TEX9: variants seen among roughly 807,000 people sequenced by gnomAD.
TEX9 encodes the protein testis-expressed protein 9.
TEX9 carries 74 observed loss-of-function variants against 59.6 expected under a neutral mutation model. The ratio of observed to expected loss-of-function variants is 1.24; its 90% CI spans 1.03 to 1.51. The LOEUF (loss-of-function observed/expected upper bound fraction) is 1.51, where lower values mean the gene tolerates loss of function less well. Ranked by LOEUF, TEX9 falls within the 40% of genes most tolerant of loss-of-function variation. The pLI is 0.00. For synonymous variants in TEX9, 186 were observed against 152.2 expected, an observed-to-expected ratio of 1.22 and a Z score of -1.64; for missense variants, 522 against 447.8, an observed-to-expected ratio of 1.17 and a Z score of -1.49.
chr15:56,310,162 T>G (rs1207576028), intron 1 of TEX9, among the ~76,000 whole-genome samples: 4 of 152,224 alleles, frequency 2.6e-5, no homozygotes, highest in African/African-American at 9.7e-5. Flanking sequence ...CCAGGCTCAC[T>G]GGCTCACGCC....
At chr15:56,287,179 C>T (rs539564809) in intron 1 of TEX9, among the ~76,000 whole-genome samples, 3 of 152,034 alleles carry the variant, frequency 2.0e-5, no homozygotes, top group African/African-American at 4.8e-5. Flanking sequence ...AATTAAACTT[C>T]AAGGTGGATG....
intron 1 of TEX9, among the ~76,000 whole-genome samples, chr15:56,258,021 C>G (rs1416017252): frequency 6.6e-6 from 1 of 152,122 alleles, no homozygotes; most frequent in African/African-American, 2.4e-5. Context: ...AGCCTGTTCT[C>G]CCAGCACCAC....
At chr15:56,251,246 C>T (rs1160216971) in intron 1 of TEX9, among the ~76,000 whole-genome samples, 1 of 152,046 alleles carries the variant, frequency 6.6e-6, no homozygotes, top group Non-Finnish European at 1.5e-5. Flanking sequence ...TTTGTTTTCT[C>T]CGTTTAAAAT....
chr15:56,400,901 AATAAAATCCTTTAC>A (rs1396852512), intron 9 of TEX9, among the ~76,000 whole-genome samples: 9 of 152,176 alleles, frequency 5.9e-5, no homozygotes, highest in Non-Finnish European at 1.5e-5. Flanking sequence ...GTGAATGAGA[AATAAAATCCTTTAC>A]AGACAAGCAA....
chr15:56,291,676 C>G (rs1306783181), intron 1 of TEX9, among the ~76,000 whole-genome samples: 9 of 152,156 alleles, frequency 5.9e-5, no homozygotes. Context: ...ATTTTGTATC[C>G]TTTAACCAAC....
downstream of TEX9, among the ~76,000 whole-genome samples, chr15:56,446,472 T>G (rs1302448606): frequency 6.6e-6 from 1 of 151,954 alleles, no homozygotes; most frequent in Non-Finnish European, 1.5e-5. Context: ...TACATAAAAT[T>G]ATCAAGTAGT....
chr15:56,315,660 TG>T (rs1422862172), intron 1 of TEX9, among the ~76,000 whole-genome samples: 2 of 144,844 alleles, frequency 1.4e-5, no homozygotes, highest in Non-Finnish European at 3.1e-5. Flanking sequence ...AGTATCTTTG[TG>T]GCGTTCTCTG....
intron 1 of TEX9, among the ~76,000 whole-genome samples, chr15:56,273,432 C>G (rs990060368): frequency 1.3e-5 from 2 of 152,220 alleles, no homozygotes; most frequent in African/African-American, 4.8e-5. Context: ...CAATTCCTCC[C>G]TCCAATCTGT....
At chr15:56,402,249 TA>T (rs2048829163) in intron 9 of TEX9, among the ~76,000 whole-genome samples, 1 of 151,870 alleles carries the variant, frequency 6.6e-6, no homozygotes, top group East Asian at 1.9e-4. Context: ...GCAAGACTAA[TA>T]AAGAAGAAAA....
chr15:56,337,996 T>C (rs540350888), intron 1 of TEX9, among the ~76,000 whole-genome samples: 2 of 152,326 alleles, frequency 1.3e-5, no homozygotes, highest in African/African-American at 4.8e-5. Context: ...TTCCTTCCCA[T>C]TGTGTAACAG....
chr15:56,317,330 A>T (rs1475814654), intron 1 of TEX9, among the ~76,000 whole-genome samples: 2 of 152,262 alleles, frequency 1.3e-5, no homozygotes, highest in African/African-American at 2.4e-5. Flanking sequence ...GCAAACAATT[A>T]TTCATTCCCT....
chr15:56,398,369 T>A (rs1433696194), intron 9 of TEX9: 1 of 152,196 alleles, frequency 6.6e-6, no homozygotes, highest in African/African-American at 2.4e-5. Flanking sequence ...CTACTAGAAA[T>A]TTTGTAATTA....
intron 12 of TEX9, chr15:56,434,277 T>C: frequency 6.2e-7 from 1 of 1,613,978 alleles, no homozygotes; most frequent in Non-Finnish European, 8.5e-7. Context: ...TAGCATAGTT[T>C]TTCTAAAGTT....
chr15:56,412,176 GT>G, intron 9 of TEX9, 125 bp from the exon 10 acceptor site: 1 of 729,894 alleles, frequency 1.4e-6, no homozygotes, highest in Non-Finnish European at 2.1e-6. Context: ...CCCCAAGCGT[GT>G]GTGTGTGTGT....
At chr15:56,266,538 CATT>C (rs2044387817) in intron 1 of TEX9, among the ~76,000 whole-genome samples, 1 of 143,774 alleles carries the variant, frequency 7.0e-6, no homozygotes, top group Admixed American at 7.0e-5. Context: ...CAAGTGTTCT[CATT>C]GTTCAATTCC....
intron 2 of TEX9, among the ~76,000 whole-genome samples, chr15:56,372,800 T>C (rs1329368667): frequency 6.6e-6 from 1 of 152,200 alleles, no homozygotes; most frequent in Non-Finnish European, 1.5e-5. Context: ...CCTTGCAGTC[T>C]TAATATAGGA....
chr15:56,394,450 A>G (rs1228549378), intron 8 of TEX9: 2 of 619,862 alleles, frequency 3.2e-6, no homozygotes, highest in Admixed American at 3.5e-5. Context: ...CTACAATTAG[A>G]ATTCTCTATA....
intron 2 of TEX9, among the ~76,000 whole-genome samples, chr15:56,370,376 A>G (rs1379367008): frequency 1.3e-5 from 2 of 152,096 alleles, no homozygotes; most frequent in African/African-American, 4.8e-5. Context: ...ATATCTTCAT[A>G]ATTCTTTTTT....
intron 1 of TEX9, among the ~76,000 whole-genome samples, chr15:56,316,929 A>T (rs1487004142): frequency 4.6e-5 from 7 of 151,990 alleles, no homozygotes; most frequent in Non-Finnish European, 8.8e-5. Context: ...GCCGTCCGTC[A>T]CCCCTTTCTT....
Sources: gnomAD v4.1 joint callset for allele counts (sites outside exome capture counted in the v4.1 genomes callset) on GRCh38, gnomAD v4.1.1 for gene constraint, MANE v1.5 for transcripts, NCBI Gene and HGNC (gene_info 2026-07-23, HGNC 2026-07-21) for gene names.